Variants in PFKFB3 observed in about 807,000 individuals in gnomAD.
The protein encoded by PFKFB3 is 6-phosphofructo-2-kinase/fructose-2,6-biphosphatase 3.
A neutral mutation model predicts 68.0 loss-of-function variants in PFKFB3; 33 were observed. The observed-to-expected ratio is 0.49, with a 90% CI of 0.37 to 0.65. PFKFB3 has a LOEUF of 0.65. Ranked by LOEUF, PFKFB3 falls within the 30% of genes least tolerant of loss-of-function variation. The pLI, the probability that PFKFB3 is intolerant of heterozygous loss-of-function variation, is 0.00. For missense variants in PFKFB3, 586 were observed against 712.2 expected, an observed-to-expected ratio of 0.82 and a Z score of 2.02; for synonymous variants, 315 against 288.2, an observed-to-expected ratio of 1.09 and a Z score of -0.94.
At chr10:6,303,103 CTGTT>C in the PFKFB3 span, among the ~76,000 whole-genome samples, 3 of 152,150 alleles carry the variant, frequency 2.0e-5, no homozygotes, top group East Asian at 3.8e-4. Context: ...TTGTCAGCAA[CTGTT>C]TGTTTATTAC....
chr10:6,253,562 G>T (rs1352792336), intron 14 of PFKFB3, among the ~76,000 whole-genome samples: 1 of 152,036 alleles, frequency 6.6e-6, no homozygotes, highest in Non-Finnish European at 1.5e-5. Flanking sequence ...ACGGGGGTGT[G>T]TTCTGTGACA....
the PFKFB3 span, among the ~76,000 whole-genome samples, chr10:6,270,065 G>C: frequency 1.8e-3 from 279 of 152,226 alleles, 1 homozygote; most frequent in African/African-American, 6.0e-3. Context: ...CCGGGAGGCG[G>C]AGGTTGCAGT....
intron 1 of PFKFB3, among the ~76,000 whole-genome samples, chr10:6,148,108 A>C (rs1368878754): frequency 6.6e-6 from 1 of 152,240 alleles, no homozygotes; most frequent in Admixed American, 6.5e-5. Context: ...GCTGAACAGC[A>C]AGACATGGTG....
intron 14 of PFKFB3, among the ~76,000 whole-genome samples, chr10:6,252,374 G>T (rs775483594): frequency 1.4e-4 from 21 of 152,182 alleles, no homozygotes; most frequent in Non-Finnish European, 2.9e-4. Context: ...TTGTGGATTA[G>T]TAATTGGATA....
chr10:6,205,857 G>T (rs1335780633), intron 1 of PFKFB3, among the ~76,000 whole-genome samples: 1 of 151,854 alleles, frequency 6.6e-6, no homozygotes, highest in Non-Finnish European at 1.5e-5. Context: ...GAGGGCAGTG[G>T]TGCGACCATA....
chr10:6,210,018 C>A (rs1236092216), intron 1 of PFKFB3, among the ~76,000 whole-genome samples: 1 of 144,082 alleles, frequency 6.9e-6, no homozygotes, highest in Non-Finnish European at 1.6e-5. Flanking sequence ...TCCCAAAGTG[C>A]TGGGATTACA....
the PFKFB3 span, among the ~76,000 whole-genome samples, chr10:6,317,604 G>A: frequency 3.3e-5 from 5 of 152,116 alleles, no homozygotes; most frequent in Admixed American, 6.5e-5. Context: ...CCGGTGGAGC[G>A]GAAGGCATTG....
In PFKFB3 at chr10:6,222,950, C is replaced by T. The variant is rs1292189716; in HGVS notation, c.1179C>T (p.Arg393=). ...VLVICHQAVL[R]CLLAYFLDKS... ...TCATCTGCCACCAGGCCGTCCTGCG[C>T]TGCCTGCTTGCCTACTTCCTGGATA... The change falls in exon 11 of 15, where the codon CGC becomes CGT. Residue 393 remains arginine, a synonymous_variant. Transcript: ENST00000379775. 1 of 1,613,740 alleles carries T rather than the reference C, an allele frequency of 6.2e-7. No individual in the cohort carries two copies. Among genetic ancestry groups the T allele is most frequent in the East Asian group, 2.2e-5 (1 of 44,876 alleles).
rs1844913567 is a variant in PFKFB3 at position 6,220,945 on chromosome 10, C to CTGT, written c.831+82_831+83insTTG. The CTGT allele has an allele frequency of 8.0e-5, 83 of 1,041,588 alleles. 1 individual carries two copies. The highest frequency in any genetic ancestry group is 1.1e-4 in the Non-Finnish European group (79 of 700,206). 64.5% of individuals were successfully genotyped at this position (1,041,588 alleles called of 1,614,324 possible). A position where few individuals can be genotyped will look rare whatever the true frequency, so the allele number is the denominator to read the frequency against. On this transcript the variant is annotated intron_variant, in intron 8 of 14. Coordinates refer to ENST00000379775, the MANE Select transcript of PFKFB3 (RefSeq NM_004566.4). The surrounding 1 kb of genome is among the most constrained non-coding windows in gnomAD (Gnocchi z 4.1). The stretch of plus-strand genomic sequence containing the variant: ...TATAGGGTGGGTGGGGAGCTGTGTG[C>CTGT]TGCTGCTGCTGCTGCTGCTGCTGCT...
At chr10:6,192,317 AGC>A (rs1843048168) in intron 1 of PFKFB3, among the ~76,000 whole-genome samples, 1 of 150,488 alleles carries the variant, frequency 6.6e-6, no homozygotes, top group African/African-American at 2.4e-5. Flanking sequence ...ACATCTCGTC[AGC>A]AGCTAGCATC....
rs778605704 is a variant in PFKFB3, at chr10:6,226,293, G to A, written c.1443G>A (p.Glu481=). 1.2e-6 allele frequency: 2 copies of A among 1,614,098 alleles called. No homozygotes were observed. Among genetic ancestry groups the A allele is most frequent in the Non-Finnish European group, 1.7e-6 (2 of 1,180,034 alleles). ...TKKPRINSFE[E]HVASTSAALP... ...AGCCTCGCATCAACAGCTTTGAGGA[G>A]CATGTGGCCTCCACCTCGGCCGCCC... The change falls in exon 14 of 15, where the codon GAG becomes GAA. Residue 481 remains glutamate, a synonymous_variant. Transcript: ENST00000379775.
chr10:6,307,705 C>T, the PFKFB3 span, among the ~76,000 whole-genome samples: 2 of 152,094 alleles, frequency 1.3e-5, no homozygotes, highest in Non-Finnish European at 2.9e-5. Context: ...TCTGGTGCCA[C>T]AGCCTGAGGT....
the PFKFB3 span, among the ~76,000 whole-genome samples, chr10:6,316,485 C>CTTTT: frequency 3.3e-5 from 5 of 152,062 alleles, no homozygotes; most frequent in Non-Finnish European, 7.4e-5. Context: ...TCTTTTCTTT[C>CTTTT]CTTTTCTTTT....
downstream of PFKFB3, chr10:6,235,546 C>G (rs1845984866): frequency 6.6e-6 from 1 of 152,256 alleles, no homozygotes; most frequent in Non-Finnish European, 1.5e-5. Flanking sequence ...ACGAAGTAAA[C>G]CTCTGGTCTT....
intron 1 of PFKFB3, among the ~76,000 whole-genome samples, chr10:6,165,836 A>G (rs1842117596): frequency 6.7e-6 from 1 of 150,138 alleles, no homozygotes; most frequent in African/African-American, 2.5e-5. Flanking sequence ...TTTTTTTGAG[A>G]CAGAACCTCA....
At chr10:6,269,229 T>C in the PFKFB3 span, among the ~76,000 whole-genome samples, 15 of 151,980 alleles carry the variant, frequency 9.9e-5, 2 homozygotes, top group Admixed American at 6.6e-4. Flanking sequence ...TTTTACGTTT[T>C]TTTTTTTTCA....
chr10:6,294,443 A>G, the PFKFB3 span, among the ~76,000 whole-genome samples: 3 of 152,230 alleles, frequency 2.0e-5, no homozygotes, highest in Non-Finnish European at 4.4e-5. Flanking sequence ...GAGCGTGTGC[A>G]GGGAAACTCT....
chr10:6,253,959 G>A (rs11257583), intron 14 of PFKFB3, among the ~76,000 whole-genome samples: 12,323 of 152,118 alleles, frequency 0.081, 544 homozygotes, highest in Admixed American at 0.12. Context: ...CAGGAGGATC[G>A]CTTGAACCCA....
rs1314171984 is a variant in PFKFB3 at position 6,229,063 on chromosome 10, T to A, written c.1515+2698T>A. 1.9e-6 allele frequency: 1 copy of A among 514,996 alleles called. No homozygotes were observed. 31.9% of individuals were successfully genotyped at this position (514,996 alleles called of 1,614,324 possible). A position where few individuals can be genotyped will look rare whatever the true frequency, so the allele number is the denominator to read the frequency against. ...GCCCCCCCAAAAACACACCCGCCCC[T>A]TTATTTCCTGTTTGCTCCTTAAGTT... On this transcript the variant is annotated intron_variant, in intron 14 of 14. Coordinates refer to ENST00000379775, the MANE Select transcript of PFKFB3 (RefSeq NM_004566.4). This position sits in a 1 kb window ranked among gnomAD's most constrained non-coding sequence, Gnocchi z 4.3.
Sources: allele counts gnomAD v4.1 joint callset (sites outside exome capture counted in the v4.1 genomes callset), GRCh38; gene constraint gnomAD v4.1.1; non-coding constraint Gnocchi (gnomAD v3.1); transcripts MANE v1.5; gene names NCBI Gene and HGNC (gene_info 2026-07-23, HGNC 2026-07-21).